UGT1A9: variants seen among roughly 807,000 people sequenced by gnomAD.
The protein encoded by UGT1A9 is UDP-glucuronosyltransferase 1A9.
UGT1A9 carries 35 observed loss-of-function variants against 45.0 expected under a neutral mutation model. The observed-to-expected ratio is 0.78, with a 90% CI of 0.59 to 1.03. The LOEUF (loss-of-function observed/expected upper bound fraction) is 1.03. UGT1A9 is among the 50% of genes least tolerant of loss of function. The probability of loss-of-function intolerance (pLI) is 0.00; values close to 1 mark genes in which losing one functional copy is unlikely to be tolerated. For synonymous variants in UGT1A9, 278 were observed against 250.6 expected (o/e 1.11, Z -1.03); for missense variants, 687 against 666.6 (o/e 1.03, Z -0.34).
intron 1 of UGT1A9, chr2:233,747,201 G>A: frequency 3.7e-6 from 6 of 1,604,878 alleles, no homozygotes; most frequent in Non-Finnish European, 4.3e-6. Flanking sequence ...AGCTGTCCGT[G>A]TCTTCTGCTG....
chr2:233,684,402 G>A (rs148930228), intron 1 of UGT1A9, among the ~76,000 whole-genome samples: 115 of 152,270 alleles, frequency 7.6e-4, no homozygotes, highest in South Asian at 7.5e-3. Context: ...CCATCACTCA[G>A]GTATTGCCTG....
At chr2:233,694,877 T>C (rs1192899397) in intron 1 of UGT1A9, among the ~76,000 whole-genome samples, 1 of 152,212 alleles carries the variant, frequency 6.6e-6, no homozygotes, top group African/African-American at 2.4e-5. Context: ...TTGTACACAT[T>C]TGGGGGGTTC....
intron 1 of UGT1A9, among the ~76,000 whole-genome samples, chr2:233,676,430 A>G (rs1205481300): frequency 6.6e-6 from 1 of 152,154 alleles, no homozygotes; most frequent in Non-Finnish European, 1.5e-5. Context: ...CCATTGTTAA[A>G]TCTCATGTTT....
intron 1 of UGT1A9, chr2:233,721,510 A>T (rs186702704): frequency 1.1e-3 from 179 of 168,498 alleles, no homozygotes; most frequent in African/African-American, 4.2e-3. Context: ...CATTTATTTT[A>T]TGCTGAATTT....
intron 1 of UGT1A9, chr2:233,741,903 G>C (rs984668185): frequency 2.0e-5 from 3 of 151,860 alleles, no homozygotes; most frequent in Non-Finnish European, 4.4e-5. Context: ...GACCCTTTGT[G>C]ATGGAAAAGG....
intron 1 of UGT1A9, among the ~76,000 whole-genome samples, chr2:233,698,342 CA>C (rs1389818502): frequency 6.6e-6 from 1 of 152,196 alleles, no homozygotes; most frequent in Non-Finnish European, 1.5e-5. Flanking sequence ...GTGTCAGTTG[CA>C]AAACATGAAT....
intron 1 of UGT1A9, among the ~76,000 whole-genome samples, chr2:233,765,617 G>T (rs988431612): frequency 1.3e-5 from 2 of 151,904 alleles, no homozygotes; most frequent in African/African-American, 4.8e-5. Flanking sequence ...GGGGTGAGGG[G>T]TGAGGGGAGG....
At chr2:233,713,179 T>A in intron 1 of UGT1A9, 1 of 1,614,174 alleles carries the variant, frequency 6.2e-7, no homozygotes, top group African/African-American at 1.3e-5. Context: ...GTCCTCACCC[T>A]GGAGGTGAAT....
Position 233,769,629 on chromosome 2 carries a change from CAG to C in UGT1A9, c.1295+1191_1295+1192del, listed in dbSNP as rs1699910145. On this transcript the variant is annotated intron_variant, in intron 4 of 4. Transcript: ENST00000354728. The surrounding 1 kb of genome is among the most constrained non-coding windows in gnomAD (Gnocchi z 4.4). ...ACACACCAGCTTGAGCAAGGGACAA[CAG>C]GGGAGGACTGATGACTGACTTCCCA... 1.2e-6 allele frequency: 2 copies of C among 1,611,730 alleles called. No homozygotes were observed.
chr2:233,736,836 A>T (rs1170480165), intron 1 of UGT1A9, among the ~76,000 whole-genome samples: 1 of 152,200 alleles, frequency 6.6e-6, no homozygotes, highest in Admixed American at 6.5e-5. Context: ...TTGCTTTGGT[A>T]TCACCAGTGG....
chr2:233,683,579 T>A (rs2074640899), intron 1 of UGT1A9, among the ~76,000 whole-genome samples: 1 of 152,208 alleles, frequency 6.6e-6, no homozygotes, highest in South Asian at 2.1e-4. Context: ...ATCTTCCTAC[T>A]CAAGAATATG....
chr2:233,768,209 T>C lies in UGT1A9; in HGVS notation c.1076-11T>C, dbSNP rs765320155. 1 of 1,614,150 alleles carries C rather than the reference T, an allele frequency of 6.2e-7. No individual in the cohort carries two copies. Among genetic ancestry groups the C allele is most frequent in the Admixed American group, 1.7e-5 (1 of 60,012 alleles). On this transcript the variant is annotated splice_polypyrimidine_tract_variant and intron_variant, in intron 3 of 4. Transcript: ENST00000354728. ...TGTAACTGCTGACATCCTCCCTATT[T>C]TGCATCTCAGGTCACCCGATGACCC...
At chr2:233,709,716 G>T (rs2076087983) in intron 1 of UGT1A9, among the ~76,000 whole-genome samples, 1 of 152,154 alleles carries the variant, frequency 6.6e-6, no homozygotes, top group Non-Finnish European at 1.5e-5. Context: ...TTAATTGAAT[G>T]ATATGTTTTC....
chr2:233,769,111 C>T lies in UGT1A9; in HGVS notation c.1295+672C>T, dbSNP rs899905689. Among the ~76,000 whole-genome samples the T allele has an allele frequency of 3.9e-5, 6 of 152,132 alleles. No homozygotes were observed. Among genetic ancestry groups the T allele is most frequent in the African/African-American group, 1.4e-4 (6 of 41,418 alleles). ...CATAGTATCTTTAAGAGAAAAACAACTCAAATGCTTAGAAGTACAGCTTTT... is the reference window on the plus strand; with the variant it reads ...CATAGTATCTTTAAGAGAAAAACAATTCAAATGCTTAGAAGTACAGCTTTT... On this transcript the variant is annotated intron_variant, in intron 4 of 4. Coordinates refer to ENST00000354728, the MANE Select transcript of UGT1A9 (RefSeq NM_021027.3). This position sits in a 1 kb window ranked among gnomAD's most constrained non-coding sequence, Gnocchi z 4.4.
At chr2:233,718,824 G>A in intron 1 of UGT1A9, 1 of 1,613,508 alleles carries the variant, frequency 6.2e-7, no homozygotes, top group Non-Finnish European at 8.5e-7. Flanking sequence ...TGCTGAGATG[G>A]CCAGAGGACT....
chr2:233,688,897 T>C (rs1387591084), intron 1 of UGT1A9, among the ~76,000 whole-genome samples: 2 of 151,874 alleles, frequency 1.3e-5, no homozygotes, highest in Non-Finnish European at 1.5e-5. Flanking sequence ...TTGGGAGAAG[T>C]TGGGGGGATG....
chr2:233,747,536 G>T (rs1693706230), intron 1 of UGT1A9: 1 of 1,605,072 alleles, frequency 6.2e-7, no homozygotes, highest in Non-Finnish European at 8.5e-7. Flanking sequence ...ATTTTCTGAA[G>T]ACATTTTCTA....
intron 1 of UGT1A9, chr2:233,718,879 T>G: frequency 6.2e-7 from 1 of 1,613,960 alleles, no homozygotes; most frequent in Non-Finnish European, 8.5e-7. Context: ...CTGCTCCTCC[T>G]CAGTGTCCAG....
chr2:233,711,396 C>A (rs1349314535), intron 1 of UGT1A9, among the ~76,000 whole-genome samples: 1 of 152,234 alleles, frequency 6.6e-6, no homozygotes, highest in Non-Finnish European at 1.5e-5. Context: ...TGTGTTCCAC[C>A]CTCACCCCGG....
Sources: gnomAD v4.1 joint callset for allele counts (sites outside exome capture counted in the v4.1 genomes callset) on GRCh38, gnomAD v4.1.1 for gene constraint, Gnocchi (gnomAD v3.1) non-coding constraint, MANE v1.5 for transcripts, NCBI Gene and HGNC (gene_info 2026-07-23, HGNC 2026-07-21) for gene names.